The following CCDC83 variants were observed in gnomAD, a reference collection of about 807,000 sequenced individuals.
CCDC83 encodes coiled-coil domain containing 83.
CCDC83 carries 54 observed loss-of-function variants against 50.1 expected under a neutral mutation model. The observed-to-expected ratio is 1.08, with a 90% CI of 0.87 to 1.35. CCDC83 has a LOEUF of 1.35. Among genes scored for constraint, CCDC83 ranks in the 40% most tolerant of loss-of-function variants. CCDC83 has a pLI of 0.00. For synonymous variants in CCDC83, 161 were observed against 153.3 expected, an observed-to-expected ratio of 1.05 and a Z score of -0.37; for missense variants, 518 against 473.9, an observed-to-expected ratio of 1.09 and a Z score of -0.86.
At chr11:85,864,604 TAAC>T (rs1045369127) in intron 1 of CCDC83, among the ~76,000 whole-genome samples, 4 of 152,248 alleles carry the variant, frequency 2.6e-5, no homozygotes, top group Non-Finnish European at 4.4e-5. Context: ...TTGCTGTTTG[TAAC>T]AACCCTGCCC....
intron 4 of CCDC83, among the ~76,000 whole-genome samples, chr11:85,885,902 A>G (rs1427352794): frequency 6.6e-6 from 1 of 152,228 alleles, no homozygotes; most frequent in Non-Finnish European, 1.5e-5. Context: ...GACCCTTATC[A>G]GGAATGATGT....
chr11:85,884,161 T>G (rs555348955), intron 4 of CCDC83, among the ~76,000 whole-genome samples: 4 of 152,216 alleles, frequency 2.6e-5, no homozygotes, highest in Non-Finnish European at 5.9e-5. Context: ...CATACAAGAC[T>G]GGGCCACACG....
At chr11:85,910,956 G>A (rs1347784192) in intron 7 of CCDC83, among the ~76,000 whole-genome samples, 1 of 152,076 alleles carries the variant, frequency 6.6e-6, no homozygotes, top group Non-Finnish European at 1.5e-5. Flanking sequence ...CAGATCACCT[G>A]AGGTCAGGAG....
chr11:85,918,971 T>C lies in CCDC83; in HGVS notation c.1081-378T>C, dbSNP rs1475549360. ...TTACATGACTCAGCTTTCAGCTTAA[T>C]TTTTTCCTTTTGGCAAAGTGAATTG... On this transcript the variant is annotated intron_variant, in intron 10 of 10. Transcript: ENST00000342404. Among the ~76,000 whole-genome samples, 2 of 152,214 alleles carry C rather than the reference T, an allele frequency of 1.3e-5. 1 individual carries two copies. Among genetic ancestry groups the C allele is most frequent in the South Asian group, 4.1e-4 (2 of 4,832 alleles).
intron 4 of CCDC83, among the ~76,000 whole-genome samples, chr11:85,885,074 C>G (rs1297798499): frequency 6.6e-6 from 1 of 151,930 alleles, no homozygotes; most frequent in Non-Finnish European, 1.5e-5. Flanking sequence ...ATTAGCCGGA[C>G]GTGGTGGTGG....
intron 5 of CCDC83, among the ~76,000 whole-genome samples, chr11:85,888,408 C>G (rs1038476559): frequency 6.6e-6 from 1 of 152,178 alleles, no homozygotes; most frequent in Admixed American, 6.5e-5. Context: ...CTGAATGTGT[C>G]TTTTCATAAC....
At chr11:85,894,881 C>G (rs1270798152) in intron 5 of CCDC83, among the ~76,000 whole-genome samples, 1 of 152,186 alleles carries the variant, frequency 6.6e-6, no homozygotes, top group Non-Finnish European at 1.5e-5. Flanking sequence ...CTCTAAGCAT[C>G]TTTCAAGGCC....
intron 5 of CCDC83, 110 bp downstream of exon 5, chr11:85,886,477 C>A (rs1475746843): frequency 1.2e-6 from 1 of 807,830 alleles, no homozygotes; most frequent in Non-Finnish European, 1.8e-6. Context: ...ACTCTGCTGT[C>A]AGCACAAGCA....
At chr11:85,918,578 A>T (rs966458496) in intron 10 of CCDC83, among the ~76,000 whole-genome samples, 1 of 152,170 alleles carries the variant, frequency 6.6e-6, no homozygotes, top group African/African-American at 2.4e-5. Context: ...GATATCTTAG[A>T]TTTGTAAACC....
intron 1 of CCDC83, among the ~76,000 whole-genome samples, chr11:85,860,326 G>A (rs1198728530): frequency 2.6e-4 from 37 of 144,492 alleles, no homozygotes; most frequent in African/African-American, 7.4e-4. Context: ...AAAAAAAGAA[G>A]GCAAAGAACA....
chr11:85,894,926 A>C (rs2135077616), intron 5 of CCDC83, among the ~76,000 whole-genome samples: 1 of 152,300 alleles, frequency 6.6e-6, no homozygotes, highest in Non-Finnish European at 1.5e-5. Flanking sequence ...CTCAATAATG[A>C]CATTTGTGAG....
chr11:85,886,501 G>C lies in CCDC83; in HGVS notation c.511+134G>C, dbSNP rs565859969. ...TCAGCACAAGCAGCTGTGAGCCTAAGGGTAAAGGTGGAGGGAGGAAGCAGA... is the reference window on the plus strand; with the variant it reads ...TCAGCACAAGCAGCTGTGAGCCTAACGGTAAAGGTGGAGGGAGGAAGCAGA... On this transcript the variant is annotated intron_variant, in intron 5 of 10. Coordinates refer to ENST00000342404, the MANE Select transcript of CCDC83 (RefSeq NM_001286159.2). 1.2e-4 allele frequency: 74 copies of C among 633,110 alleles called. No homozygotes were observed. The Middle Eastern group carries it at 2.5e-3, about 21-fold the overall frequency. 39.2% of individuals were successfully genotyped at this position (633,110 alleles called of 1,614,324 possible). A position where few individuals can be genotyped will look rare whatever the true frequency, so the allele number is the denominator to read the frequency against.
At chr11:85,903,462 A>AT (rs536664153) in intron 7 of CCDC83, among the ~76,000 whole-genome samples, 4,644 of 143,404 alleles carry the variant, frequency 0.032, 170 homozygotes, top group African/African-American at 0.094. Context: ...GTTCCATCTA[A>AT]TTTTTTTTTT....
At chr11:85,895,578 C>T (rs1411476217) in intron 6 of CCDC83, among the ~76,000 whole-genome samples, 194 bp downstream of exon 6, 1 of 151,978 alleles carries the variant, frequency 6.6e-6, no homozygotes, top group Non-Finnish European at 1.5e-5. Flanking sequence ...CTAAAAAATA[C>T]TTTATTTTAT....
chr11:85,892,626 C>A (rs1225064825), intron 5 of CCDC83, among the ~76,000 whole-genome samples: 1 of 152,104 alleles, frequency 6.6e-6, no homozygotes, highest in Admixed American at 6.5e-5. Context: ...TTATCAAGCT[C>A]CAGGTTTTAT....
chr11:85,884,285 G>A (rs1462499365), intron 4 of CCDC83, among the ~76,000 whole-genome samples: 3 of 152,160 alleles, frequency 2.0e-5, no homozygotes, highest in South Asian at 2.1e-4. Context: ...AAACATTTCC[G>A]AGGTAGTCAC....
chr11:85,855,123 T>C (rs1228795639), upstream of CCDC83: 1 of 152,366 alleles, frequency 6.6e-6, no homozygotes, highest in Non-Finnish European at 1.5e-5. Flanking sequence ...CAGCAGCCGC[T>C]GCAGTGGAGC....
chr11:85,882,056 G>A (rs2093303255), intron 3 of CCDC83, among the ~76,000 whole-genome samples: 1 of 151,954 alleles, frequency 6.6e-6, no homozygotes, highest in Non-Finnish European at 1.5e-5. Flanking sequence ...GCTCACACCT[G>A]TAATCCCAGC....
chr11:85,917,652 G>A (rs1436004313), intron 10 of CCDC83, among the ~76,000 whole-genome samples: 1 of 152,080 alleles, frequency 6.6e-6, no homozygotes, highest in Admixed American at 6.6e-5. Context: ...TTTGATGTCT[G>A]GTAGTGGAAA....
Sources: gnomAD v4.1 joint callset for allele counts (sites outside exome capture counted in the v4.1 genomes callset) on GRCh38, gnomAD v4.1.1 for gene constraint, MANE v1.5 for transcripts, NCBI Gene and HGNC (gene_info 2026-07-23, HGNC 2026-07-21) for gene names.